ACYP2: variants seen among roughly 807,000 people sequenced by gnomAD.
ACYP2 encodes the protein acylphosphatase 2, also known as acylphosphatase-2.
A neutral mutation model predicts 11.2 loss-of-function variants in ACYP2; 12 were observed. The observed-to-expected ratio is 1.08, with a 90% CI of 0.69 to 1.74. The LOEUF is 1.74. ACYP2 is among the 40% of genes most tolerant of loss of function. ACYP2 has a pLI of 0.00. For synonymous variants in ACYP2, 43 were observed against 32.2 expected, an observed-to-expected ratio of 1.33 and a Z score of -1.13; for missense variants, 134 against 101.9, an observed-to-expected ratio of 1.31 and a Z score of -1.35.
At chr2:54,049,662 C>A (rs1263954705) in intron 2 of ACYP2, among the ~76,000 whole-genome samples, 1 of 152,068 alleles carries the variant, frequency 6.6e-6, no homozygotes, top group Admixed American at 6.6e-5. Context: ...GCTTCTTACT[C>A]CCCCCAAACA....
At chr2:54,004,487 TG>T (rs2104530262) in intron 2 of ACYP2, among the ~76,000 whole-genome samples, 1 of 143,972 alleles carries the variant, frequency 6.9e-6, no homozygotes, top group East Asian at 2.2e-4. Flanking sequence ...CTTGGCTCAC[TG>T]CAAGTTCTGT....
chr2:54,106,258 A>G (rs1679151193), intron 4 of ACYP2, among the ~76,000 whole-genome samples: 1 of 151,956 alleles, frequency 6.6e-6, no homozygotes, highest in Admixed American at 6.6e-5. Context: ...AATTATTATT[A>G]TTATTTTATT....
chr2:54,273,207 A>G (rs1298648341), intron 6 of ACYP2, among the ~76,000 whole-genome samples: 4 of 152,226 alleles, frequency 2.6e-5, no homozygotes, highest in Non-Finnish European at 4.4e-5. Context: ...TATGGTGCAC[A>G]TGCATTAACA....
intron 6 of ACYP2, among the ~76,000 whole-genome samples, chr2:54,177,905 A>T (rs72800786): frequency 0.044 from 1,452 of 32,726 alleles, 45 homozygotes; most frequent in African/African-American, 0.13. Flanking sequence ...TTCTTTCTTT[A>T]TTTTTTTTTT....
intron 6 of ACYP2, among the ~76,000 whole-genome samples, chr2:54,153,876 A>G: frequency 6.6e-6 from 1 of 152,146 alleles, no homozygotes; most frequent in Non-Finnish European, 1.5e-5. Flanking sequence ...CTGGGATTAT[A>G]GGCATGAGCC....
chr2:54,261,187 T>C (rs1687761118), intron 6 of ACYP2, among the ~76,000 whole-genome samples: 1 of 152,194 alleles, frequency 6.6e-6, no homozygotes, highest in South Asian at 2.1e-4. Flanking sequence ...TGAAGTGTTA[T>C]TTTCTTTTGG....
chr2:54,269,428 A>G (rs1019161721), intron 6 of ACYP2, among the ~76,000 whole-genome samples: 1 of 152,258 alleles, frequency 6.6e-6, no homozygotes, highest in African/African-American at 2.4e-5. Context: ...AAAAAGAATT[A>G]TGATAAGAAT....
At chr2:54,231,938 G>A (rs1035686699) in intron 6 of ACYP2, among the ~76,000 whole-genome samples, 8 of 152,032 alleles carry the variant, frequency 5.3e-5, no homozygotes, top group African/African-American at 1.9e-4. Flanking sequence ...AGGAAATTTT[G>A]GTTTCTGACT....
chr2:54,146,597 C>T (rs1018643839), intron 6 of ACYP2, among the ~76,000 whole-genome samples: 6 of 151,786 alleles, frequency 4.0e-5, no homozygotes, highest in Admixed American at 1.3e-4. Context: ...CTTTTCTCAC[C>T]TAGTTTCCAT....
intron 2 of ACYP2, among the ~76,000 whole-genome samples, chr2:54,043,281 T>C (rs1675344097): frequency 6.6e-6 from 1 of 152,114 alleles, no homozygotes; most frequent in African/African-American, 2.4e-5. Flanking sequence ...AGGAATCCAA[T>C]ATACAGGCAC....
intron 4 of ACYP2, among the ~76,000 whole-genome samples, chr2:54,073,892 G>A (rs554555825): frequency 1.3e-3 from 191 of 152,302 alleles, no homozygotes; most frequent in Non-Finnish European, 1.9e-3. Context: ...ACAAGTGTTG[G>A]CATGGATGTG....
chr2:54,218,988 GA>G (rs961263602), intron 6 of ACYP2, among the ~76,000 whole-genome samples: 24 of 152,022 alleles, frequency 1.6e-4, no homozygotes, highest in Admixed American at 1.2e-3. Context: ...AAGGAAGAAA[GA>G]AAAAATAAAT....
At chr2:53,977,329 G>A (rs1051413892) in intron 2 of ACYP2, among the ~76,000 whole-genome samples, 6 of 152,120 alleles carry the variant, frequency 3.9e-5, no homozygotes, top group Non-Finnish European at 7.4e-5. Context: ...ACAGGCGTGA[G>A]CCGCCGCGCC....
intron 6 of ACYP2, among the ~76,000 whole-genome samples, chr2:54,187,682 G>A (rs912027870): frequency 1.3e-5 from 2 of 152,274 alleles, no homozygotes; most frequent in South Asian, 2.1e-4. Context: ...GGCACAAGGG[G>A]CTTCTCAGTA....
At chr2:54,029,886 G>A (rs1674492255) in intron 2 of ACYP2, 1 of 256,036 alleles carries the variant, frequency 3.9e-6, no homozygotes, top group African/African-American at 2.3e-5. Flanking sequence ...GAACCAAGCC[G>A]GGTCCGGCTG....
chr2:53,976,855 C>A (rs577977277), intron 2 of ACYP2, among the ~76,000 whole-genome samples: 30 of 152,274 alleles, frequency 2.0e-4, no homozygotes, highest in Admixed American at 2.0e-3. Flanking sequence ...GTTAGGCATT[C>A]TGTCATTTCA....
chr2:54,112,558 A>G (rs1264310155), intron 4 of ACYP2, among the ~76,000 whole-genome samples: 2 of 152,226 alleles, frequency 1.3e-5, no homozygotes, highest in Non-Finnish European at 2.9e-5. Context: ...TTTTTATGGT[A>G]GTGAAAAATG....
At chr2:53,997,311 A>G (rs910753191) in intron 2 of ACYP2, among the ~76,000 whole-genome samples, 3 of 151,890 alleles carry the variant, frequency 2.0e-5, no homozygotes, top group African/African-American at 7.3e-5. Flanking sequence ...TAAAATTATT[A>G]TTATTGTTTT....
intron 6 of ACYP2, among the ~76,000 whole-genome samples, chr2:54,173,941 A>C (rs1316705854): frequency 6.6e-6 from 1 of 152,102 alleles, no homozygotes; most frequent in African/African-American, 2.4e-5. Flanking sequence ...GCAGCCTTGT[A>C]GTGTAGTTTG....
Sources: allele counts gnomAD v4.1 joint callset (sites outside exome capture counted in the v4.1 genomes callset), GRCh38; gene constraint gnomAD v4.1.1; transcripts MANE v1.5; gene names NCBI Gene and HGNC (gene_info 2026-07-23, HGNC 2026-07-21).